Variants in NELL2 observed in about 807,000 individuals in gnomAD.
NELL2 encodes the protein protein kinase C-binding protein NELL2.
Under a neutral mutation model 109.6 loss-of-function variants are expected in NELL2, and 41 were observed. That is an observed-to-expected ratio of 0.37 (90% confidence interval 0.29 to 0.49). The LOEUF is 0.49. Ranked by LOEUF, NELL2 falls within the 20% of genes least tolerant of loss-of-function variation. NELL2 has a pLI of 0.98. For synonymous variants in NELL2, 355 were observed against 344.7 expected (o/e 1.03, Z -0.33); for missense variants, 900 against 1,008.3 (o/e 0.89, Z 1.45).
chr12:44,828,877 A>G (rs547975985), intron 2 of NELL2, among the ~76,000 whole-genome samples: 1 of 152,306 alleles, frequency 6.6e-6, no homozygotes, highest in South Asian at 2.1e-4. Flanking sequence ...TTTGGCTTCT[A>G]GAGTGTATTT....
intron 15 of NELL2, among the ~76,000 whole-genome samples, chr12:44,587,308 T>TATATATATATATA (rs1491354933): frequency 1.5e-5 from 1 of 68,198 alleles, no homozygotes; most frequent in African/African-American, 6.0e-5. Context: ...TATATATATA[T>TATATATATATATA]TTTTTTTTAA....
chr12:44,840,615 G>A (rs7953663), intron 2 of NELL2, among the ~76,000 whole-genome samples: 54,057 of 150,160 alleles, frequency 0.36, 10,090 homozygotes, highest in South Asian at 0.58. Context: ...CAGCCTGGGC[G>A]ACAGAGCGAG....
intron 15 of NELL2, among the ~76,000 whole-genome samples, chr12:44,547,696 A>T (rs1942855872): frequency 6.6e-6 from 1 of 152,170 alleles, no homozygotes; most frequent in South Asian, 2.1e-4. Context: ...ACATAAATTA[A>T]TGTCTCAAGA....
intron 1 of NELL2, among the ~76,000 whole-genome samples, chr12:44,899,515 G>A (rs1945635211): frequency 6.6e-6 from 1 of 152,154 alleles, no homozygotes; most frequent in Non-Finnish European, 1.5e-5. Flanking sequence ...ACCAAACTAA[G>A]CTTCAAAAGC....
intron 15 of NELL2, among the ~76,000 whole-genome samples, chr12:44,589,263 T>C (rs1592166113): frequency 7.1e-6 from 1 of 141,826 alleles, no homozygotes; most frequent in African/African-American, 2.9e-5. Flanking sequence ...GTCAGTCCAG[T>C]GGAAAAAAAA....
chr12:44,519,288 A>G (rs1243132966), intron 19 of NELL2, among the ~76,000 whole-genome samples: 1 of 152,196 alleles, frequency 6.6e-6, no homozygotes, highest in Non-Finnish European at 1.5e-5. Context: ...ATGGCCACAA[A>G]ATTAAATTTT....
At chr12:44,890,740 A>ATTT (rs200478354) in intron 1 of NELL2, among the ~76,000 whole-genome samples, 6 of 149,262 alleles carry the variant, frequency 4.0e-5, no homozygotes, top group Admixed American at 4.0e-4. Flanking sequence ...ATTTTATTTT[A>ATTT]TTTTTTTTGA....
At chr12:44,607,962 T>A (rs1471084510) in intron 14 of NELL2, among the ~76,000 whole-genome samples, 8 of 152,032 alleles carry the variant, frequency 5.3e-5, no homozygotes, top group Non-Finnish European at 1.2e-4. Context: ...GTCTGTACCA[T>A]TGCAAGGGCG....
At chr12:44,600,985 G>T (rs1258708365) in intron 15 of NELL2, among the ~76,000 whole-genome samples, 1 of 151,850 alleles carries the variant, frequency 6.6e-6, no homozygotes, top group African/African-American at 2.4e-5. Context: ...AGAGGGAATA[G>T]GGATCCTGCG....
intron 12 of NELL2, among the ~76,000 whole-genome samples, chr12:44,666,233 ACT>A (rs2136340903): frequency 6.6e-6 from 1 of 152,344 alleles, no homozygotes; most frequent in Non-Finnish European, 1.5e-5. Context: ...TAATTCACAC[ACT>A]GAGTTTTGAG....
At chr12:44,529,352 G>A (rs1450378517) in intron 16 of NELL2, among the ~76,000 whole-genome samples, 1 of 152,142 alleles carries the variant, frequency 6.6e-6, no homozygotes, top group Non-Finnish European at 1.5e-5. Flanking sequence ...GGGACCTGTA[G>A]GACTTAGAAA....
intron 15 of NELL2, among the ~76,000 whole-genome samples, chr12:44,604,962 G>A (rs1479580318): frequency 6.6e-6 from 1 of 152,086 alleles, no homozygotes; most frequent in African/African-American, 2.4e-5. Flanking sequence ...AGGACAAGAG[G>A]GAAATTGCTC....
intron 3 of NELL2, among the ~76,000 whole-genome samples, chr12:44,804,177 T>C (rs556881873): frequency 3.9e-5 from 6 of 152,022 alleles, no homozygotes; most frequent in Non-Finnish European, 7.4e-5. Flanking sequence ...CACAATCAAG[T>C]GTAATTTTTA....
At chr12:44,617,691 C>CCAAAAAAAA (rs1945882629) in intron 13 of NELL2, among the ~76,000 whole-genome samples, 1 of 22,390 alleles carries the variant, frequency 4.5e-5, no homozygotes, top group Non-Finnish European at 7.3e-5. Flanking sequence ...GACTCCGTCT[C>CCAAAAAAAA]AAAAAAAAAA....
intron 2 of NELL2, among the ~76,000 whole-genome samples, chr12:44,839,734 T>C (rs1038814001): frequency 3.3e-5 from 5 of 152,242 alleles, no homozygotes; most frequent in African/African-American, 1.2e-4. Context: ...TCATAAAGTT[T>C]TTGTAATGAG....
chr12:44,675,742 T>C (rs983571126), intron 12 of NELL2, among the ~76,000 whole-genome samples: 7 of 152,236 alleles, frequency 4.6e-5, no homozygotes, highest in African/African-American at 1.2e-4. Flanking sequence ...CTTCATCCTA[T>C]GTAAAATGGG....
upstream of NELL2, chr12:44,913,974 C>T (rs1945806825): frequency 2.8e-6 from 1 of 354,530 alleles, no homozygotes; most frequent in African/African-American, 2.2e-5. Context: ...TCACATCCCA[C>T]ATCCAATTGC....
At chr12:44,830,218 G>A (rs1019663507) in intron 2 of NELL2, among the ~76,000 whole-genome samples, 6 of 152,108 alleles carry the variant, frequency 3.9e-5, no homozygotes, top group African/African-American at 1.4e-4. Context: ...GACTCCACAA[G>A]CAGATTCTAA....
chr12:44,707,196 G>A (rs1053359525), intron 11 of NELL2, among the ~76,000 whole-genome samples: 4 of 152,132 alleles, frequency 2.6e-5, no homozygotes, highest in Admixed American at 1.3e-4. Context: ...ACCAGCCAAT[G>A]CAGTCCACTG....
Sources: allele counts gnomAD v4.1 joint callset (sites outside exome capture counted in the v4.1 genomes callset), GRCh38; gene constraint gnomAD v4.1.1; transcripts MANE v1.5; gene names NCBI Gene and HGNC (gene_info 2026-07-23, HGNC 2026-07-21).